The following FAM118B variants were observed in gnomAD, a reference collection of about 807,000 sequenced individuals.
The protein encoded by FAM118B is protein FAM118B.
A neutral mutation model predicts 38.5 loss-of-function variants in FAM118B; 24 were observed. That is an observed-to-expected ratio of 0.62 (90% confidence interval 0.45 to 0.88). FAM118B has a LOEUF of 0.88. FAM118B is among the 40% of genes least tolerant of loss of function. FAM118B has a pLI of 0.00. For synonymous variants in FAM118B, 138 were observed against 156.3 expected (o/e 0.88, Z 0.87); for missense variants, 334 against 420.0 (o/e 0.80, Z 1.79).
At chr11:126,211,919 A>G (rs1302221151) in intron 1 of FAM118B, 89 bp downstream of exon 1, 4 of 481,946 alleles carry the variant, frequency 8.3e-6, no homozygotes, top group Non-Finnish European at 1.1e-5. Flanking sequence ...TTTCCGTTCA[A>G]GAAGAGCACT....
Position 126,222,273 on chromosome 11 carries a change from G to A in FAM118B, c.-76-6952G>A, listed in dbSNP as rs143075377. Among the ~76,000 whole-genome samples, 664 of 152,340 alleles carry A rather than the reference G, an allele frequency of 4.4e-3. 3 individuals are homozygous for A. The highest frequency in any genetic ancestry group is 0.01 in the Middle Eastern group (3 of 294). On this transcript the variant is annotated intron_variant, in intron 1 of 8. Transcript: ENST00000533050. Reference sequence around the variant, plus strand: ...CCTGGCTTACTGTCAATGCTATGTAGTGTTTGGTGGAGGAGAACTGGATGC... The same window carrying A: ...CCTGGCTTACTGTCAATGCTATGTAATGTTTGGTGGAGGAGAACTGGATGC...
chr11:126,235,733 C>T (rs1394270961), intron 3 of FAM118B, among the ~76,000 whole-genome samples: 1 of 152,198 alleles, frequency 6.6e-6, no homozygotes, highest in Non-Finnish European at 1.5e-5. Flanking sequence ...GTTGGTCAGG[C>T]TGGTCTCGAA....
chr11:126,231,243 G>A (rs1950202799), intron 2 of FAM118B, among the ~76,000 whole-genome samples: 1 of 152,108 alleles, frequency 6.6e-6, no homozygotes, highest in Non-Finnish European at 1.5e-5. Context: ...ACAGGTAATT[G>A]ACTTTGTTTT....
chr11:126,213,129 G>T (rs1051838893), intron 1 of FAM118B, among the ~76,000 whole-genome samples: 3 of 145,688 alleles, frequency 2.1e-5, no homozygotes, highest in African/African-American at 7.4e-5. Flanking sequence ...GTCCCTGGAA[G>T]AATTTTTTTT....
At position 126,237,186 on chromosome 11, in the gene FAM118B, G is replaced by A. The variant is rs1591513838; in HGVS notation, c.86+2099G>A. ...CTGCCTCAGCCTCCTAAAGTGCAGG[G>A]ATTACAGACGTGAGCCACCGCGCCT... is the stretch of plus-strand genomic sequence containing the variant. On this transcript the variant is annotated intron_variant, in intron 3 of 8. Transcript: ENST00000533050. Among the ~76,000 whole-genome samples, 4 of 134,538 alleles carry A rather than the reference G, an allele frequency of 3.0e-5. No homozygotes were observed. In the South Asian group the frequency reaches 9.8e-4, roughly 33 times the overall value. 88.3% of individuals were successfully genotyped at this position (134,538 alleles called of 152,430 possible). A position where few individuals can be genotyped will look rare whatever the true frequency, so the allele number is the denominator to read the frequency against.
intron 1 of FAM118B, among the ~76,000 whole-genome samples, chr11:126,219,349 C>T (rs1346048925): frequency 1.3e-4 from 6 of 44,462 alleles, no homozygotes; most frequent in African/African-American, 2.0e-4. Context: ...TCTTGTTTAT[C>T]TTTTTTTTTT....
At chr11:126,235,889 G>A (rs994624874) in intron 3 of FAM118B, among the ~76,000 whole-genome samples, 1 of 130,636 alleles carries the variant, frequency 7.7e-6, no homozygotes, top group Non-Finnish European at 1.5e-5. Flanking sequence ...AGCCTAATGC[G>A]TAACGATTAT....
chr11:126,234,917 A>G (rs1287298582), intron 2 of FAM118B, 78 bp from the exon 3 acceptor site: 2 of 1,161,322 alleles, frequency 1.7e-6, no homozygotes, highest in East Asian at 2.5e-5. Flanking sequence ...GCTTTTTTAA[A>G]CTGTTTAATA....
At chr11:126,247,614 CTT>C (rs1452502086) in intron 4 of FAM118B, among the ~76,000 whole-genome samples, 1 of 152,054 alleles carries the variant, frequency 6.6e-6, no homozygotes, top group South Asian at 2.1e-4. Context: ...AATCCCAACA[CTT>C]TGGGAGGCCG....
Position 126,256,553 on chromosome 11 carries a change from TCTTTTC to T in FAM118B, c.697-10_697-5del. 6.2e-7 allele frequency: 1 copy of T among 1,612,244 alleles called. No individual in the cohort carries two copies. The highest frequency in any genetic ancestry group is 8.5e-7 in the Non-Finnish European group (1 of 1,179,012). On this transcript the variant is annotated splice_region_variant and splice_polypyrimidine_tract_variant and intron_variant, in intron 6 of 8. Coordinates refer to ENST00000533050, the MANE Select transcript of FAM118B (RefSeq NM_024556.4). The surrounding 1 kb of genome is among the most constrained non-coding windows in gnomAD (Gnocchi z 6.6). Reference sequence around the variant, plus strand: ...GTCTTCACAATGTCAATATGTTGTATCTTTTCCTTCCAGAGAGAAATTCAGAAACTC... The same window carrying T: ...GTCTTCACAATGTCAATATGTTGTATCTTCCAGAGAGAAATTCAGAAACTC...
chr11:126,250,751 G>T lies in FAM118B; in HGVS notation c.567+18G>T. The T allele has an allele frequency of 6.4e-7, 1 of 1,557,968 alleles. No homozygotes were observed. Among genetic ancestry groups the T allele is most frequent in the Non-Finnish European group, 8.8e-7 (1 of 1,132,068 alleles). ...AGAAAAAGGTAAAAAGTAAAGCATT[G>T]GTCCCTTCTTCAGGCTAGTGGATTT... On this transcript the variant is annotated intron_variant, in intron 5 of 8. Coordinates refer to ENST00000533050, the MANE Select transcript of FAM118B (RefSeq NM_024556.4). This position sits in a 1 kb window ranked among gnomAD's most constrained non-coding sequence, Gnocchi z 5.1.
Position 126,262,460 on chromosome 11 carries a change from T to G in FAM118B, c.*327T>G, listed in dbSNP as rs1950721168. 1 of 363,446 alleles carries G rather than the reference T, an allele frequency of 2.8e-6. No homozygotes were observed. The highest frequency in any genetic ancestry group is 2.1e-5 in the African/African-American group (1 of 47,932). The allele number at this position is 363,446 out of a possible 1,614,324, so 22.5% of individuals were successfully genotyped here. ...TCCACTGACCGGCTGCAGCTCTGCATGAAGGACTCGGGGTCTGGATGCCAT... is the reference window on the plus strand; with the variant it reads ...TCCACTGACCGGCTGCAGCTCTGCAGGAAGGACTCGGGGTCTGGATGCCAT... On this transcript the variant is annotated 3_prime_UTR_variant, in exon 9 of 9. Transcript: ENST00000533050.
chr11:126,224,165 A>G (rs999739895), intron 1 of FAM118B, among the ~76,000 whole-genome samples: 1 of 152,208 alleles, frequency 6.6e-6, no homozygotes, highest in African/African-American at 2.4e-5. Context: ...CTAGTGGAGG[A>G]GGCAGATAAC....
At chr11:126,261,256 A>T (rs1457900314) in intron 7 of FAM118B, 169 bp from the exon 8 acceptor site, 2 of 598,124 alleles carry the variant, frequency 3.3e-6, no homozygotes, top group African/African-American at 3.7e-5. Context: ...TCTAAAGACT[A>T]CTCCAGTTTA....
chr11:126,232,349 C>T (rs762709954), intron 2 of FAM118B, among the ~76,000 whole-genome samples: 3 of 152,100 alleles, frequency 2.0e-5, no homozygotes, highest in Non-Finnish European at 4.4e-5. Flanking sequence ...TTCTGTGCCT[C>T]AGTTTTCTCA....
rs1048674713 is a variant in FAM118B at position 126,250,199 on chromosome 11, C to T, written c.340-307C>T. 6.6e-6 allele frequency among the ~76,000 whole-genome samples: 1 copy of T among 151,326 alleles called. No homozygotes were observed. Among genetic ancestry groups the T allele is most frequent in the East Asian group, 2.0e-4 (1 of 5,100 alleles). ...CTCCGCCTCCTGGGTTCACACCATT[C>T]TCCTGCCTCAGCCTCCCAAGTAGCT... is the stretch of plus-strand genomic sequence containing the variant. On this transcript the variant is annotated intron_variant, in intron 4 of 8. Transcript: ENST00000533050. The surrounding 1 kb of genome is among the most constrained non-coding windows in gnomAD (Gnocchi z 5.1).
intron 2 of FAM118B, among the ~76,000 whole-genome samples, chr11:126,233,297 G>A (rs1950230805): frequency 6.6e-6 from 1 of 152,114 alleles, no homozygotes; most frequent in African/African-American, 2.4e-5. Context: ...TCAACATGAA[G>A]AAATTCTGTC....
chr11:126,259,100 A>G (rs983335274), intron 7 of FAM118B, among the ~76,000 whole-genome samples: 1 of 152,180 alleles, frequency 6.6e-6, no homozygotes, highest in Non-Finnish European at 1.5e-5. Context: ...TTGTCATGTG[A>G]AATGTAGTAG....
chr11:126,229,694 G>A (rs570224940), intron 2 of FAM118B, among the ~76,000 whole-genome samples: 1 of 152,248 alleles, frequency 6.6e-6, no homozygotes, highest in South Asian at 2.1e-4. Context: ...ACCCACCTCG[G>A]TCTCCCATAA....
Sources: allele counts gnomAD v4.1 joint callset (sites outside exome capture counted in the v4.1 genomes callset), GRCh38; gene constraint gnomAD v4.1.1; non-coding constraint Gnocchi (gnomAD v3.1); transcripts MANE v1.5; gene names NCBI Gene and HGNC (gene_info 2026-07-23, HGNC 2026-07-21).